Variants in ANKMY1 observed in about 807,000 individuals in gnomAD.
ANKMY1 encodes ankyrin repeat and MYND domain-containing protein 1.
In ANKMY1, 98 loss-of-function variants were observed where a neutral mutation model predicts 102.0. The ratio of observed to expected loss-of-function variants is 0.96; its 90% confidence interval spans 0.82 to 1.14. ANKMY1 has a LOEUF of 1.14. Among genes scored for constraint, ANKMY1 ranks in the 50% most tolerant of loss-of-function variants. The pLI, the probability that ANKMY1 is intolerant of heterozygous loss-of-function variation, is 0.00. For missense variants in ANKMY1, 1,330 were observed against 1,347.6 expected (o/e 0.99, Z 0.20); for synonymous variants, 582 against 559.9 (o/e 1.04, Z -0.56).
intron 7 of ANKMY1, among the ~76,000 whole-genome samples, 186 bp downstream of exon 7, chr2:240,525,499 C>A (rs575180293): frequency 6.6e-6 from 1 of 152,174 alleles, no homozygotes; most frequent in Non-Finnish European, 1.5e-5. Context: ...AACACACATA[C>A]CTTGGCATCT....
chr2:240,476,548 G>A (rs928823480), downstream of ANKMY1, among the ~76,000 whole-genome samples: 1 of 152,188 alleles, frequency 6.6e-6, no homozygotes, highest in Non-Finnish European at 1.5e-5. Flanking sequence ...AGAGGAGGGT[G>A]GGCCTGTCCT....
intron 4 of ANKMY1, among the ~76,000 whole-genome samples, chr2:240,533,751 A>G (rs574850853): frequency 6.8e-6 from 1 of 147,480 alleles, no homozygotes; most frequent in East Asian, 1.9e-4. Context: ...ACACACACAC[A>G]CACACTTTTT....
chr2:240,548,668 T>G (rs1473745670), intron 4 of ANKMY1, among the ~76,000 whole-genome samples: 1 of 151,836 alleles, frequency 6.6e-6, no homozygotes, highest in African/African-American at 2.4e-5. Flanking sequence ...CAGCAAAGTC[T>G]CAGGATACAA....
intron 4 of ANKMY1, among the ~76,000 whole-genome samples, chr2:240,547,467 G>A: frequency 1.4e-5 from 2 of 141,638 alleles, no homozygotes; most frequent in Admixed American, 1.4e-4. Context: ...AAAAGCAAGA[G>A]CAAACACATT....
chr2:240,553,166 G>C, intron 3 of ANKMY1, 109 bp from the exon 4 acceptor site: 1 of 1,317,378 alleles, frequency 7.6e-7, no homozygotes, highest in East Asian at 2.5e-5. Flanking sequence ...GACCACCCAG[G>C]GCTGTGGCAG....
At chr2:240,479,369 G>C, downstream of ANKMY1, 1 of 577,360 alleles carries the variant, frequency 1.7e-6, no homozygotes, top group Non-Finnish European at 3.1e-6. Flanking sequence ...AGGCAGGCAC[G>C]GGCTCCACAA....
At chr2:240,495,805 A>T (rs1264096564) in intron 15 of ANKMY1, among the ~76,000 whole-genome samples, 1 of 152,166 alleles carries the variant, frequency 6.6e-6, no homozygotes, top group Non-Finnish European at 1.5e-5. Context: ...CAGACCCTGT[A>T]GGGCTGGCCC....
In ANKMY1 at chr2:240,537,359, C is replaced by T. The variant is rs145305024; in HGVS notation, c.481-7850G>A. Among the ~76,000 whole-genome samples, 33 of 152,314 alleles carry T rather than the reference C, an allele frequency of 2.2e-4. No individual in the cohort carries two copies. In the East Asian group the frequency reaches 6.4e-3, roughly 29 times the overall value. On this transcript the variant is annotated intron_variant, in intron 4 of 17. Coordinates refer to ENST00000401804, the MANE Select transcript of ANKMY1 (RefSeq NM_001282771.3). ...GATTTCCGATACAAAAAACAATATCCAGTCAATAGCTCCTGTGATTTTAAT... is the reference window on the plus strand; with the variant it reads ...GATTTCCGATACAAAAAACAATATCTAGTCAATAGCTCCTGTGATTTTAAT...
chr2:240,503,373 A>C (rs1428803768), intron 13 of ANKMY1, among the ~76,000 whole-genome samples: 2 of 152,260 alleles, frequency 1.3e-5, no homozygotes, highest in African/African-American at 4.8e-5. Flanking sequence ...GGCTGATGAA[A>C]GCTCCTTTCT....
At chr2:240,472,495 C>T in the ANKMY1 span, among the ~76,000 whole-genome samples, 1 of 152,242 alleles carries the variant, frequency 6.6e-6, no homozygotes, top group African/African-American at 2.4e-5. Context: ...TAACCACAGT[C>T]TGGGGTCAGT....
At chr2:240,524,422 A>T (rs1448081798) in intron 7 of ANKMY1, 41 bp from the exon 8 acceptor site, 1 of 1,556,790 alleles carries the variant, frequency 6.4e-7, no homozygotes, top group Non-Finnish European at 8.7e-7. Context: ...AATAAATTGG[A>T]GTGATAACCT....
At position 240,552,907 on chromosome 2, in the gene ANKMY1, C is replaced by A; in HGVS notation, c.480+7G>T. On this transcript the variant is annotated splice_region_variant and intron_variant, in intron 4 of 17. Transcript: ENST00000401804. ...GACCCCAGCTGAACACATGGCAGCC[C>A]CCTCACCTGGAAAAGCCGTGTCTTC... 2 of 1,613,708 alleles carry A rather than the reference C, an allele frequency of 1.2e-6. No homozygotes were observed. The highest frequency in any genetic ancestry group is 1.7e-6 in the Non-Finnish European group (2 of 1,180,010).
chr2:240,499,863 G>T lies in ANKMY1; in HGVS notation c.2806+95C>A, dbSNP rs2077866017. 16 of 1,436,664 alleles carry T rather than the reference G, an allele frequency of 1.1e-5. No homozygotes were observed. The highest frequency in any genetic ancestry group is 8.7e-5 in the South Asian group (6 of 69,342). 89.0% of individuals were successfully genotyped at this position (1,436,664 alleles called of 1,614,324 possible). A position where few individuals can be genotyped will look rare whatever the true frequency, so the allele number is the denominator to read the frequency against. On this transcript the variant is annotated intron_variant, in intron 15 of 17. Coordinates refer to ENST00000401804, the MANE Select transcript of ANKMY1 (RefSeq NM_001282771.3). This position sits in a 1 kb window ranked among gnomAD's most constrained non-coding sequence, Gnocchi z 4.2. ...CAGCCCCAGGAAGGCCCCTCCAAGA[G>T]CCCCAGGGGGTCCAGATCTCCAGGG... is the stretch of plus-strand genomic sequence containing the variant.
rs529240082 is a variant in ANKMY1, at chr2:240,557,418, G to A, written c.-17-66C>T. ...CCCGCCGCGAACTCAGAGGGCGCCC[G>A]AGGCCCGGCCCGCGGCCCCTGAGCC... On this transcript the variant is annotated intron_variant, in intron 1 of 17. Coordinates refer to ENST00000401804, the MANE Select transcript of ANKMY1 (RefSeq NM_001282771.3). 16 of 1,402,778 alleles carry A rather than the reference G, an allele frequency of 1.1e-5. No homozygotes were observed. The African/African-American group carries it at 2.1e-4, about 18-fold the overall frequency. 86.9% of individuals were successfully genotyped at this position (1,402,778 alleles called of 1,614,324 possible).
At chr2:240,471,174 C>CA in the ANKMY1 span, among the ~76,000 whole-genome samples, 2 of 151,434 alleles carry the variant, frequency 1.3e-5, no homozygotes, top group African/African-American at 4.9e-5. Flanking sequence ...TGAGTAAATA[C>CA]AAAAGTACCT....
intron 4 of ANKMY1, among the ~76,000 whole-genome samples, chr2:240,538,398 C>T (rs1559357482): frequency 6.6e-6 from 1 of 152,166 alleles, no homozygotes; most frequent in Non-Finnish European, 1.5e-5. Flanking sequence ...CCACTTGCCC[C>T]GGGCAGTGAG....
At chr2:240,528,293 ACCC>A (rs562534743) in intron 5 of ANKMY1, among the ~76,000 whole-genome samples, 1 of 78,980 alleles carries the variant, frequency 1.3e-5, no homozygotes, top group African/African-American at 4.6e-5. Context: ...GCCTGCCCCC[ACCC>A]CCCCCCCAAA....
intron 5 of ANKMY1, among the ~76,000 whole-genome samples, chr2:240,528,653 T>TTAGC (rs2152418939): frequency 6.6e-6 from 1 of 152,098 alleles, no homozygotes; most frequent in East Asian, 1.9e-4. Context: ...GGACTCACCA[T>TTAGC]TAGCTCCACG....
rs1166687821 is a variant in ANKMY1, at chr2:240,499,829, C to T, written c.2806+129G>A. On this transcript the variant is annotated intron_variant, in intron 15 of 17. Transcript: ENST00000401804. This position sits in a 1 kb window ranked among gnomAD's most constrained non-coding sequence, Gnocchi z 4.2. The stretch of plus-strand genomic sequence containing the variant: ...ACGACGGGACACAAAGGGGACAAGC[C>T]GACGAGCCCAGCCCCAGGAAGGCCC... 12 of 1,241,438 alleles carry T rather than the reference C, an allele frequency of 9.7e-6. No individual in the cohort carries two copies. Among genetic ancestry groups the T allele is most frequent in the African/African-American group, 6.1e-5 (4 of 65,844 alleles). 76.9% of individuals were successfully genotyped at this position (1,241,438 alleles called of 1,614,324 possible).
Sources: allele counts gnomAD v4.1 joint callset (sites outside exome capture counted in the v4.1 genomes callset), GRCh38; gene constraint gnomAD v4.1.1; non-coding constraint Gnocchi (gnomAD v3.1); transcripts MANE v1.5; gene names NCBI Gene and HGNC (gene_info 2026-07-23, HGNC 2026-07-21).